Variants in TRIM46 observed in about 807,000 individuals in gnomAD.
The protein encoded by TRIM46 is tripartite motif containing 46.
Under a neutral mutation model 69.7 loss-of-function variants are expected in TRIM46, and 17 were observed. The observed-to-expected ratio is 0.24, with a 90% CI of 0.17 to 0.37. TRIM46 has a LOEUF of 0.37. Ranked by LOEUF, TRIM46 falls within the 10% of genes least tolerant of loss-of-function variation. The probability of loss-of-function intolerance (pLI) is 1.00; values close to 1 mark genes in which losing one functional copy is unlikely to be tolerated. For synonymous variants in TRIM46, 391 were observed against 429.0 expected, an observed-to-expected ratio of 0.91 and a Z score of 1.09; for missense variants, 675 against 1,025.1, an observed-to-expected ratio of 0.66 and a Z score of 4.66.
Position 155,178,248 on chromosome 1 carries a change from C to T in TRIM46, c.1156C>T (p.His386Tyr), listed in dbSNP as rs1166767548. 2 of 1,600,806 alleles carry T rather than the reference C, an allele frequency of 1.2e-6. No homozygotes were observed. The highest frequency in any genetic ancestry group is 1.3e-5 in the African/African-American group (1 of 74,766). ...PCFVQAAKQL[H>Y]NRIARATEAL... Reference sequence around the variant, plus strand: ...CTTTGTGCAAGCCGCCAAGCAGCTGCACAACAGGTACTCAGGGGCATGGGC... The same window carrying T: ...CTTTGTGCAAGCCGCCAAGCAGCTGTACAACAGGTACTCAGGGGCATGGGC... The change falls in exon 6 of 10, where the codon CAC becomes TAC. Residue 386 changes from histidine (H) to tyrosine (Y), a missense_variant. Coordinates refer to ENST00000334634, the MANE Select transcript of TRIM46 (RefSeq NM_025058.5).
intron 8 of TRIM46, chr1:155,180,682 G>T (rs1252369266): frequency 6.0e-6 from 1 of 167,138 alleles, no homozygotes; most frequent in Non-Finnish European, 1.3e-5. Context: ...AGGCCAAGGT[G>T]GGTGGATCCC....
intron 7 of TRIM46, among the ~76,000 whole-genome samples, 183 bp from the exon 8 acceptor site, chr1:155,179,449 G>C (rs1006253146): frequency 6.6e-6 from 1 of 151,944 alleles, no homozygotes; most frequent in Non-Finnish European, 1.5e-5. Context: ...TTCCTGCCTC[G>C]TTCTCTCTTG....
In TRIM46 at chr1:155,175,376, C is replaced by T. The variant is rs766647388; in HGVS notation, c.64-10C>T. ...CCAAGCGCTGACCTAGCCTCCTGGT[C>T]CCTCCACAGACCAGCATGAAGAACA... On this transcript the variant is annotated splice_polypyrimidine_tract_variant and intron_variant, in intron 1 of 9. Transcript: ENST00000334634. The surrounding 1 kb of genome is among the most constrained non-coding windows in gnomAD (Gnocchi z 4.2). The T allele has an allele frequency of 6.2e-7, 1 of 1,613,376 alleles. No homozygotes were observed. The highest frequency in any genetic ancestry group is 1.3e-5 in the African/African-American group (1 of 75,004).
rs1344296511 is a variant in TRIM46 at position 155,181,141 on chromosome 1, G to A, written c.1589-711G>A. 6.6e-6 allele frequency among the ~76,000 whole-genome samples: 1 copy of A among 152,184 alleles called. No homozygotes were observed. The highest frequency in any genetic ancestry group is 2.4e-5 in the African/African-American group (1 of 41,452). ...TGTAATCCCAGCTACTTGGAAGGCT[G>A]AGGCAGGAGAATGGCTTGAACCTGG... On this transcript the variant is annotated intron_variant, in intron 8 of 9. Transcript: ENST00000334634. This position sits in a 1 kb window ranked among gnomAD's most constrained non-coding sequence, Gnocchi z 4.3.
chr1:155,178,716 T>C, intron 7 of TRIM46, 103 bp downstream of exon 7: 1 of 1,544,058 alleles, frequency 6.5e-7, no homozygotes, highest in Non-Finnish European at 8.7e-7. Context: ...CCCGGCCTCC[T>C]GCCCGGCCTG....
At chr1:155,177,543 C>T (rs1015726061) in intron 5 of TRIM46, among the ~76,000 whole-genome samples, 1 of 152,146 alleles carries the variant, frequency 6.6e-6, no homozygotes, top group Non-Finnish European at 1.5e-5. Context: ...AAAAACCCCA[C>T]GCGTAGCTCA....
Position 155,177,340 on chromosome 1 carries a change from C to T in TRIM46, c.909+50C>T, listed in dbSNP as rs201990331. The T allele has an allele frequency of 6.0e-5, 90 of 1,491,926 alleles. 1 individual carries two copies. The East Asian group carries it at 1.7e-3, about 29-fold the overall frequency. The allele number at this position is 1,491,926 out of a possible 1,614,324, so 92.4% of individuals were successfully genotyped here. ...CCTGGGCCCTGCCTGGGAGTAGGGG[C>T]AGGAAGGGGGTGTGGGTGATCATGA... On this transcript the variant is annotated intron_variant, in intron 5 of 9. Transcript: ENST00000334634.
chr1:155,174,739 C>T, intron 1 of TRIM46: 1 of 1,454,344 alleles, frequency 6.9e-7, no homozygotes, highest in Non-Finnish European at 9.0e-7. Flanking sequence ...AGGCGGGGCT[C>T]TTGATTCCCC....
At position 155,184,220 on chromosome 1, in the gene TRIM46, G is replaced by C. The variant is rs1666385616; in HGVS notation, c.*30G>C. ...TCCAGGCCCCTCATGCAGACCTGGGGTCCTCCTGGGCCCTGGCCCCCAAAC... is the reference window on the plus strand; with the variant it reads ...TCCAGGCCCCTCATGCAGACCTGGGCTCCTCCTGGGCCCTGGCCCCCAAAC... On this transcript the variant is annotated 3_prime_UTR_variant, in exon 10 of 10. Coordinates refer to ENST00000334634, the MANE Select transcript of TRIM46 (RefSeq NM_025058.5). The surrounding 1 kb of genome is among the most constrained non-coding windows in gnomAD (Gnocchi z 5.6). 1 of 1,552,588 alleles carries C rather than the reference G, an allele frequency of 6.4e-7. No homozygotes were observed. Among genetic ancestry groups the C allele is most frequent in the Non-Finnish European group, 8.7e-7 (1 of 1,151,148 alleles).
At position 155,183,943 on chromosome 1, in the gene TRIM46, G is replaced by T; in HGVS notation, c.2033G>T (p.Gly678Val). 1.2e-6 allele frequency: 2 copies of T among 1,613,908 alleles called. No homozygotes were observed. Among genetic ancestry groups the T allele is most frequent in the Non-Finnish European group, 1.7e-6 (2 of 1,180,030 alleles). The change falls in exon 10 of 10, where the codon GGC becomes GTC. Residue 678 changes from glycine (G) to valine (V), a missense_variant. By Grantham distance (109) the Gly-to-Val change is moderately radical. This residue lies in a region of TRIM46 where 108 missense variants were observed against 153.0 expected (regional missense o/e 0.71). Transcript: ENST00000334634. ...SSNAGLTGRD[G>V]PTAGCTVPLP... is the part of the protein sequence containing the mutation. ...AACGCAGGGCTGACAGGGAGGGATG[G>T]CCCCACAGCCGGCTGCACAGTGCCC...
At position 155,175,555 on chromosome 1, in the gene TRIM46, C is replaced by A; in HGVS notation, c.233C>A (p.Thr78Asn). ...GHGGDPSSEP[T>N]SPASTPSTRS... ...GGTGGGGACCCCAGCTCCGAGCCCA[C>A]CTCTCCTGCCTCCACCCCTTCCACC... Residue 78 changes from threonine (T) to asparagine (N), a missense_variant, in exon 2 of 10, where the codon ACC (threonine) becomes AAC (asparagine). By Grantham distance (65) the Thr-to-Asn change is moderately conservative. This residue lies in a region of TRIM46 where 170 missense variants were observed against 255.6 expected (regional missense o/e 0.67). Coordinates refer to ENST00000334634, the MANE Select transcript of TRIM46 (RefSeq NM_025058.5). The surrounding 1 kb of genome is among the most constrained non-coding windows in gnomAD (Gnocchi z 4.2). 2 of 1,613,058 alleles carry A rather than the reference C, an allele frequency of 1.2e-6. No homozygotes were observed. Among genetic ancestry groups the A allele is most frequent in the Non-Finnish European group, 1.7e-6 (2 of 1,179,632 alleles).
chr1:155,175,060 CCAGAGATGGGGGATGGAGGCA>C lies in TRIM46; in HGVS notation c.64-325_64-305del, dbSNP rs1033989550. The C allele has an allele frequency of 1.5e-5, 20 of 1,367,086 alleles. No individual in the cohort carries two copies. In the African/African-American group the frequency reaches 2.7e-4, roughly 19 times the overall value. The allele number at this position is 1,367,086 out of a possible 1,614,324, so 84.7% of individuals were successfully genotyped here. A position where few individuals can be genotyped will look rare whatever the true frequency, so the allele number is the denominator to read the frequency against. ...GAGAAAAATGCCAGGGGCAAGCTGC[CCAGAGATGGGGGATGGAGGCA>C]GGTGAGGGGGCTGCCAGCTGGGGCT... On this transcript the variant is annotated intron_variant, in intron 1 of 9. Transcript: ENST00000334634. This position sits in a 1 kb window ranked among gnomAD's most constrained non-coding sequence, Gnocchi z 4.2.
Position 155,176,222 on chromosome 1 carries a change from C to T in TRIM46, c.660C>T (p.Phe220=). 3 of 1,600,972 alleles carry T rather than the reference C, an allele frequency of 1.9e-6. No homozygotes were observed. The South Asian group carries it at 3.3e-5, about 18-fold the overall frequency. ...AGCCCACCCTGCCTACCCTCTCCTTCCGACCCAAGGTGAGCCAGCCCTTCC... is the reference window on the plus strand; with the variant it reads ...AGCCCACCCTGCCTACCCTCTCCTTTCGACCCAAGGTGAGCCAGCCCTTCC... ...QHEPTLPTLS[F]RPKGLMCPDH... is the part of the protein sequence containing the mutation. Residue 220 remains phenylalanine (F), a synonymous_variant, in exon 3 of 10, where the codon TTC becomes TTT. Transcript: ENST00000334634.
chr1:155,178,054 G>T lies in TRIM46; in HGVS notation c.962G>T (p.Gly321Val). The T allele has an allele frequency of 6.2e-7, 1 of 1,613,888 alleles. No homozygotes were observed. The highest frequency in any genetic ancestry group is 8.5e-7 in the Non-Finnish European group (1 of 1,180,006). Reference protein sequence around the residue: ...EEVSQLVRGLGAVLEEKRASL... With the variant: ...EEVSQLVRGLVAVLEEKRASL... ...GTGTCGCAGCTGGTGCGGGGGCTGG[G>T]GGCTGTGCTGGAGGAGAAGCGGGCA... The change falls in exon 6 of 10, where the codon GGG (glycine) becomes GTG (valine). Residue 321 changes from glycine to valine, a missense_variant. Physicochemically the swap from Gly to Val is moderately radical, Grantham distance 109. Around this residue, in one of 5 missense-constraint regions of TRIM46, gnomAD observed 361 missense variants for 498.3 expected, o/e 0.72. Transcript: ENST00000334634.
In TRIM46 at chr1:155,175,653, A is replaced by T. The variant is rs1280499433; in HGVS notation, c.325+6A>T. On this transcript the variant is annotated splice_donor_region_variant and intron_variant, in intron 2 of 9. Transcript: ENST00000334634. The surrounding 1 kb of genome is among the most constrained non-coding windows in gnomAD (Gnocchi z 4.2). ...GGACCGGCTGCTTAAGTCAGGTGGG[A>T]CTGGGGCCTGTAGGGTGGGGATGGG... 3 of 1,613,438 alleles carry T rather than the reference A, an allele frequency of 1.9e-6. No homozygotes were observed. The highest frequency in any genetic ancestry group is 2.5e-6 in the Non-Finnish European group (3 of 1,179,950).
In TRIM46 at chr1:155,177,094, CA is replaced by C; in HGVS notation, c.813+21del. On this transcript the variant is annotated intron_variant, in intron 4 of 9. Transcript: ENST00000334634. The stretch of plus-strand genomic sequence containing the variant: ...CCTCAAGGTAAGGACCCCCCTTATC[CA>C]ACCCTAGTGCTAACTCACACTCTTA... 1.2e-6 allele frequency: 2 copies of C among 1,612,378 alleles called. No individual in the cohort carries two copies. Among genetic ancestry groups the C allele is most frequent in the Non-Finnish European group, 1.7e-6 (2 of 1,178,498 alleles).
intron 5 of TRIM46, 28 bp from the exon 6 acceptor site, chr1:155,177,974 C>A: frequency 6.2e-7 from 1 of 1,604,774 alleles, no homozygotes; most frequent in Non-Finnish European, 8.5e-7. Context: ...GTAAGTCACG[C>A]ATCCTTTGGG....
At position 155,179,951 on chromosome 1, in the gene TRIM46, A is replaced by G. The variant is rs749070172; in HGVS notation, c.1588+17A>G. ...CGGCACCTGGTGAGTGGGCAGGCAC[A>G]GGTGGTCGTGCAAAGGGCATGGGGT... On this transcript the variant is annotated intron_variant, in intron 8 of 9. Transcript: ENST00000334634. 14 of 1,559,760 alleles carry G rather than the reference A, an allele frequency of 9.0e-6. No individual in the cohort carries two copies. The highest frequency in any genetic ancestry group is 1.1e-5 in the Non-Finnish European group (13 of 1,148,744).
At position 155,182,048 on chromosome 1, in the gene TRIM46, C is replaced by T. The variant is rs771150554; in HGVS notation, c.1785C>T (p.Ala595=). The stretch of plus-strand genomic sequence containing the variant: ...TGACCCAGGGCCGCAGCTACTGGGC[C>T]TGCGCCGTAGACCCAGCCTCCTACT... ...VAVTQGRSYW[A]CAVDPASYLV... is the part of the protein sequence containing the mutation. The change falls in exon 9 of 10, where the codon GCC becomes GCT. Residue 595 remains alanine, a synonymous_variant. Coordinates refer to ENST00000334634, the MANE Select transcript of TRIM46 (RefSeq NM_025058.5). 6.2e-6 allele frequency: 10 copies of T among 1,613,888 alleles called. No individual in the cohort carries two copies. The African/African-American group carries it at 1.3e-4, about 22-fold the overall frequency.
Sources: gnomAD v4.1 joint callset for allele counts (sites outside exome capture counted in the v4.1 genomes callset) on GRCh38, gnomAD v4.1.1 for gene constraint, gnomAD v4.1.1 regional missense constraint, Gnocchi (gnomAD v3.1) non-coding constraint, MANE v1.5 for transcripts, NCBI Gene and HGNC (gene_info 2026-07-23, HGNC 2026-07-21) for gene names.